The following COQ3 variants were observed in gnomAD, a reference collection of about 807,000 sequenced individuals.
COQ3 encodes coenzyme Q3, methyltransferase, also known as ubiquinone biosynthesis O-methyltransferase, mitochondrial.
In COQ3, 29 loss-of-function variants were observed where a neutral mutation model predicts 33.1. The observed-to-expected ratio is 0.88, with a 90% confidence interval of 0.65 to 1.19. COQ3 has a LOEUF of 1.19. COQ3 is among the 50% of genes most tolerant of loss of function. COQ3 has a pLI of 0.00. For synonymous variants in COQ3, 173 were observed against 157.8 expected (o/e 1.10, Z -0.72); for missense variants, 437 against 430.7 (o/e 1.01, Z -0.13).
At chr6:99,378,135 TATATATATATATATATATATA>T (rs1336291156) in intron 3 of COQ3, among the ~76,000 whole-genome samples, 5,536 of 35,552 alleles carry the variant, frequency 0.16, 533 homozygotes, top group East Asian at 0.43. Flanking sequence ...TATATATATA[TATATATATATATATATATATA>T]TTTAGAGAGA....
chr6:99,386,484 C>G (rs991013883), intron 1 of COQ3, among the ~76,000 whole-genome samples: 2 of 151,924 alleles, frequency 1.3e-5, no homozygotes, highest in Non-Finnish European at 2.9e-5. Context: ...ACATTGTAAA[C>G]AAAACAAAGC....
intron 1 of COQ3, among the ~76,000 whole-genome samples, chr6:99,386,417 G>A (rs566892255): frequency 2.0e-5 from 3 of 152,114 alleles, no homozygotes; most frequent in South Asian, 4.1e-4. Context: ...GTGACAGAGT[G>A]AGACTCTGTC....
intron 3 of COQ3, 48 bp downstream of exon 3, chr6:99,380,140 AT>A (rs770996339): frequency 5.8e-5 from 90 of 1,546,894 alleles, no homozygotes; most frequent in Non-Finnish European, 7.8e-5. Context: ...TGAAATATGA[AT>A]TCTTAAAAAG....
chr6:99,381,433 T>C (rs747584187), intron 2 of COQ3, among the ~76,000 whole-genome samples: 93 of 152,208 alleles, frequency 6.1e-4, no homozygotes, highest in Non-Finnish European at 1.5e-4. Flanking sequence ...TCTATTCTCC[T>C]CATCCTTCCC....
chr6:99,393,039 G>T (rs929057432), intron 1 of COQ3, among the ~76,000 whole-genome samples: 3 of 151,964 alleles, frequency 2.0e-5, no homozygotes, highest in African/African-American at 7.3e-5. Flanking sequence ...GATTATAAAA[G>T]ACACATGTTT....
chr6:99,380,690 G>A (rs1774449289), intron 2 of COQ3, among the ~76,000 whole-genome samples: 1 of 151,970 alleles, frequency 6.6e-6, no homozygotes, highest in Admixed American at 6.6e-5. Context: ...GAGGCCGAAA[G>A]GGGCAGATCA....
intron 4 of COQ3, among the ~76,000 whole-genome samples, chr6:99,376,620 G>C (rs1774289350): frequency 6.6e-6 from 1 of 152,090 alleles, no homozygotes; most frequent in Admixed American, 6.5e-5. Context: ...ATTTTTCATA[G>C]CTAATTCTTC....
intron 3 of COQ3, 51 bp downstream of exon 3, chr6:99,380,138 G>T (rs1347772387): frequency 6.5e-7 from 1 of 1,537,406 alleles, no homozygotes; most frequent in South Asian, 1.2e-5. Context: ...TGTGAAATAT[G>T]AATTCTTAAA....
chr6:99,391,316 C>A (rs921431224), intron 1 of COQ3, among the ~76,000 whole-genome samples: 3 of 151,376 alleles, frequency 2.0e-5, no homozygotes, highest in African/African-American at 7.3e-5. Context: ...GTTGCCCAGG[C>A]TGGTTTCAAA....
chr6:99,385,293 T>C (rs1177027486), intron 1 of COQ3, among the ~76,000 whole-genome samples: 1 of 152,192 alleles, frequency 6.6e-6, no homozygotes, highest in African/African-American at 2.4e-5. Flanking sequence ...AAGACCATTA[T>C]TCAATAAAAT....
chr6:99,376,064 ACT>A lies in COQ3; in HGVS notation c.603_604del (p.Arg201SerfsTer16). 2 of 1,614,036 alleles carry A rather than the reference ACT, an allele frequency of 1.2e-6. No individual in the cohort carries two copies. Among genetic ancestry groups the A allele is most frequent in the South Asian group, 2.2e-5 (2 of 91,080 alleles). On this transcript the variant is annotated frameshift_variant, in exon 5 of 7. Transcript: ENST00000254759. LOFTEE classifies it high-confidence loss of function. Reference sequence around the variant, plus strand: ...TTCCACAATCTCTTCCAGGGAACACACTCTGTACTCTATTCTCTTATCCAGGA... The same window carrying A: ...TTCCACAATCTCTTCCAGGGAACACACTGTACTCTATTCTCTTATCCAGGA...
At chr6:99,378,756 T>C (rs906361249) in intron 3 of COQ3, among the ~76,000 whole-genome samples, 4 of 152,136 alleles carry the variant, frequency 2.6e-5, no homozygotes, top group African/African-American at 9.7e-5. Flanking sequence ...TTGCTTTGCT[T>C]TGTCAGTGGT....
chr6:99,383,304 TA>T (rs1474909557), intron 2 of COQ3, among the ~76,000 whole-genome samples: 2 of 152,234 alleles, frequency 1.3e-5, no homozygotes, highest in Non-Finnish European at 1.5e-5. Flanking sequence ...TTATGATTTC[TA>T]AAAATTTTAA....
At chr6:99,380,456 A>G in intron 2 of COQ3, 115 bp from the exon 3 acceptor site, 1 of 1,093,648 alleles carries the variant, frequency 9.1e-7, no homozygotes, top group Non-Finnish European at 1.3e-6. Context: ...CTAAATCTGT[A>G]TACTGCTCAA....
chr6:99,385,786 G>C (rs1204739691), intron 1 of COQ3, among the ~76,000 whole-genome samples: 2 of 151,798 alleles, frequency 1.3e-5, no homozygotes, highest in Non-Finnish European at 2.9e-5. Context: ...AGACCAGCCT[G>C]GCCAACATGG....
At chr6:99,390,076 G>A (rs752997253) in intron 1 of COQ3, among the ~76,000 whole-genome samples, 10 of 152,158 alleles carry the variant, frequency 6.6e-5, no homozygotes, top group East Asian at 1.9e-4. Flanking sequence ...TCACGCCACC[G>A]CACTCCAGCC....
chr6:99,391,075 TTTTA>T lies in COQ3; in HGVS notation c.106+2995_106+2998del, dbSNP rs60755408. ...GTTCATGTGTCTAGGCTTTTGCTCA[TTTTA>T]TTTATTTATTTATTTATTTATTTAT... is the stretch of plus-strand genomic sequence containing the variant. On this transcript the variant is annotated intron_variant, in intron 1 of 6. Transcript: ENST00000254759. 7.5e-3 allele frequency among the ~76,000 whole-genome samples: 1,045 copies of T among 139,238 alleles called. 9 individuals are homozygous for T. Among genetic ancestry groups the T allele is most frequent in the African/African-American group, 0.022 (827 of 37,996 alleles). 91.3% of individuals were successfully genotyped at this position (139,238 alleles called of 152,430 possible). A position where few individuals can be genotyped will look rare whatever the true frequency, so the allele number is the denominator to read the frequency against.
At position 99,369,627 on chromosome 6, in the gene COQ3, T is replaced by C; in HGVS notation, c.1083A>G (p.Pro361=). 1 of 1,613,976 alleles carries C rather than the reference T, an allele frequency of 6.2e-7. No homozygotes were observed. Among genetic ancestry groups the C allele is most frequent in the Non-Finnish European group, 8.5e-7 (1 of 1,179,870 alleles). ...EELQANACTN[P]AVHEKLKK ...ATTTCTTCAGCTTTTCATGCACAGC[T>C]GGATTGGTGCAGGCATTAGCTTGGA... The change falls in exon 7 of 7, where the codon CCA becomes CCG. Residue 361 remains proline, a synonymous_variant. Transcript: ENST00000254759.
chr6:99,388,704 C>T (rs756193059), intron 1 of COQ3, among the ~76,000 whole-genome samples: 14 of 151,864 alleles, frequency 9.2e-5, no homozygotes, highest in Non-Finnish European at 1.8e-4. Flanking sequence ...AAAAATTAGC[C>T]AGGTGTGGTG....
Sources: gnomAD v4.1 joint callset for allele counts (sites outside exome capture counted in the v4.1 genomes callset) on GRCh38, gnomAD v4.1.1 for gene constraint, MANE v1.5 for transcripts, NCBI Gene and HGNC (gene_info 2026-07-23, HGNC 2026-07-21) for gene names.